The following TEDC1 variants were observed in gnomAD, a reference collection of about 807,000 sequenced individuals.
TEDC1 encodes the protein tubulin epsilon and delta complex 1.
In TEDC1, 54 loss-of-function variants were observed where a neutral mutation model predicts 59.9. That is an observed-to-expected ratio of 0.90 (90% CI 0.72 to 1.13). The LOEUF (loss-of-function observed/expected upper bound fraction) is 1.13. Among genes scored for constraint, TEDC1 ranks in the 50% most tolerant of loss-of-function variants. TEDC1 has a pLI of 0.00. For missense variants in TEDC1, 734 were observed against 683.4 expected, an observed-to-expected ratio of 1.07 and a Z score of -0.83; for synonymous variants, 353 against 298.1, an observed-to-expected ratio of 1.18 and a Z score of -1.90.
At chr14:105,491,076 G>C, upstream of TEDC1, 1 of 1,551,416 alleles carries the variant, frequency 6.4e-7, no homozygotes, top group Non-Finnish European at 8.7e-7. Flanking sequence ...ACGAAGGCGG[G>C]ACCCTGCCGA....
At chr14:105,494,015 T>TGGGGGGGTGGGGCGG in intron 5 of TEDC1, 82 bp downstream of exon 5, 4 of 158,598 alleles carry the variant, frequency 2.5e-5, no homozygotes, top group Non-Finnish European at 2.5e-5. Context: ...GGGAGGGGCC[T>TGGGGGGGTGGGGCGG]GGGGGCGGGG....
At chr14:105,493,772 G>C (rs755691042) in intron 4 of TEDC1, 63 bp from the exon 5 acceptor site, 323 of 1,199,978 alleles carry the variant, frequency 2.7e-4, no homozygotes, top group Non-Finnish European at 3.5e-4. Flanking sequence ...GACTCATGGA[G>C]ACTCAGCGTT....
rs2084207208 is a variant in TEDC1, at chr14:105,491,504, G to A, written c.129G>A (p.Lys43=). 3.3e-6 allele frequency: 5 copies of A among 1,498,924 alleles called. No homozygotes were observed. The highest frequency in any genetic ancestry group is 1.4e-5 in the African/African-American group (1 of 71,354). 92.9% of individuals were successfully genotyped at this position (1,498,924 alleles called of 1,614,324 possible). The change falls in exon 1 of 9, where the codon AAG becomes AAA. Residue 43 remains lysine, a synonymous_variant. Coordinates refer to ENST00000392523, the MANE Select transcript of TEDC1 (RefSeq NM_001367178.1). ...GPSPEIFRRA[K]FDRPEATSAL... is the part of the protein sequence containing the mutation. ...GCCCCGAGATCTTCCGCCGCGCCAA[G>A]TTCGACCGTCCGGAGGCGGTGACGC... is the stretch of plus-strand genomic sequence containing the variant.
Position 105,492,746 on chromosome 14 carries a change from A to C in TEDC1, c.585+12A>C. 6.5e-7 allele frequency: 1 copy of C among 1,539,560 alleles called. No individual in the cohort carries two copies. Among genetic ancestry groups the C allele is most frequent in the Non-Finnish European group, 8.7e-7 (1 of 1,146,492 alleles). ...CCCTCCTGAGCAAGGTAGAGCTGGC[A>C]CAGGGCTTCCACTCAGGGGCTGTGT... On this transcript the variant is annotated intron_variant, in intron 4 of 8. Transcript: ENST00000392523.
chr14:105,493,785 G>A, intron 4 of TEDC1, 50 bp from the exon 5 acceptor site: 8 of 1,343,336 alleles, frequency 6.0e-6, no homozygotes, highest in Non-Finnish European at 8.4e-6. Flanking sequence ...TCAGCGTTGG[G>A]GGAGGTGCTT....
chr14:105,491,718 C>T lies in TEDC1; in HGVS notation c.226+18C>T. 6.5e-7 allele frequency: 1 copy of T among 1,543,430 alleles called. No homozygotes were observed. On this transcript the variant is annotated intron_variant, in intron 2 of 8. Transcript: ENST00000392523. The stretch of plus-strand genomic sequence containing the variant: ...CGCCCTGGGTAAGCCCCGCTCCTGG[C>T]CCCGCCCACCCGGTAGCACTGGCCC...
chr14:105,491,648 C>G lies in TEDC1; in HGVS notation c.174C>G (p.Phe58Leu). ...CCTCCGCGCTCTGGCAGCTCCTCTT[C>G]CGTGTGCTCTCGCCACTCCCTGCGG... is the stretch of plus-strand genomic sequence containing the variant. ...EATSALWQLL[F>L]RVLSPLPAGN... is the part of the protein sequence containing the mutation. Residue 58 changes from phenylalanine to leucine, a missense_variant, in exon 2 of 9, where the codon TTC (phenylalanine) becomes TTG (leucine). Physicochemically the swap from Phe to Leu is conservative, Grantham distance 22. Coordinates refer to ENST00000392523, the MANE Select transcript of TEDC1 (RefSeq NM_001367178.1). The G allele has an allele frequency of 6.5e-7, 1 of 1,549,760 alleles. No individual in the cohort carries two copies. The highest frequency in any genetic ancestry group is 8.7e-7 in the Non-Finnish European group (1 of 1,146,846).
intron 7 of TEDC1, 91 bp from the exon 8 acceptor site, chr14:105,497,707 G>A: frequency 7.0e-7 from 1 of 1,419,942 alleles, no homozygotes. Flanking sequence ...CCAGCCCGCT[G>A]TGGGACCTGG....
intron 7 of TEDC1, 25 bp from the exon 8 acceptor site, chr14:105,497,773 C>T (rs376518406): frequency 6.4e-5 from 97 of 1,512,640 alleles, no homozygotes; most frequent in Middle Eastern, 1.7e-4. Flanking sequence ...GCTTGGTGCA[C>T]GCTGTCTCAC....
chr14:105,494,268 G>T (rs1335272420), intron 5 of TEDC1: 25 of 374,412 alleles, frequency 6.7e-5, no homozygotes, highest in Non-Finnish European at 1.1e-4. Flanking sequence ...AGCTGGTGGT[G>T]TTGGCATCTC....
intron 8 of TEDC1, 102 bp downstream of exon 8, chr14:105,498,079 C>T (rs373053002): frequency 2.2e-6 from 3 of 1,342,718 alleles, no homozygotes; most frequent in Middle Eastern, 2.7e-4. Context: ...TTGCATTTGT[C>T]AAGCATGGCA....
chr14:105,497,124 G>A (rs1555440566), intron 6 of TEDC1: 2 of 596,780 alleles, frequency 3.4e-6, no homozygotes. Context: ...GCACTGGTTG[G>A]GGGCTGCCCT....
chr14:105,492,800 C>T lies in TEDC1; in HGVS notation c.585+66C>T, dbSNP rs587607155. 44 of 1,507,562 alleles carry T rather than the reference C, an allele frequency of 2.9e-5. No individual in the cohort carries two copies. In the South Asian group the frequency reaches 3.7e-4, roughly 13 times the overall value. 93.4% of individuals were successfully genotyped at this position (1,507,562 alleles called of 1,614,324 possible). ...GTGCTGCAGGCCGCCAGCTGCCAGT[C>T]CCTGCAGCCCGTCCCGTGAGGCCTG... is the stretch of plus-strand genomic sequence containing the variant. On this transcript the variant is annotated intron_variant, in intron 4 of 8. Coordinates refer to ENST00000392523, the MANE Select transcript of TEDC1 (RefSeq NM_001367178.1).
At chr14:105,496,141 G>GTTGT in intron 6 of TEDC1, 55 bp downstream of exon 6, 1 of 347,904 alleles carries the variant, frequency 2.9e-6, no homozygotes, top group Non-Finnish European at 5.6e-6. Context: ...GGGGTGGGTG[G>GTTGT]GAGGGGGTGG....
intron 5 of TEDC1, 51 bp from the exon 6 acceptor site, chr14:105,495,827 CTG>C: frequency 7.1e-7 from 1 of 1,400,336 alleles, no homozygotes; most frequent in Non-Finnish European, 9.7e-7. Context: ...CTCCCCGAAG[CTG>C]TGTGCGGCAC....
At chr14:105,490,855 C>A, upstream of TEDC1, 2 of 695,336 alleles carry the variant, frequency 2.9e-6, no homozygotes, top group Non-Finnish European at 5.0e-6. Context: ...CGCTCCCGCC[C>A]GGCGGTTGCT....
At chr14:105,497,637 G>A in intron 7 of TEDC1, 161 bp from the exon 8 acceptor site, 1 of 1,135,392 alleles carries the variant, frequency 8.8e-7, no homozygotes, top group Non-Finnish European at 1.2e-6. Flanking sequence ...CAGCTCCATG[G>A]CCTTCTAGAG....
rs2084212597 is a variant in TEDC1 at position 105,491,680 on chromosome 14, C to A, written c.206C>A (p.Ala69Asp). The change falls in exon 2 of 9, where the codon GCC becomes GAC. Residue 69 changes from alanine to aspartate, a missense_variant. Ala to Asp is a moderately radical substitution (Grantham distance 126). Coordinates refer to ENST00000392523, the MANE Select transcript of TEDC1 (RefSeq NM_001367178.1). ...CTCTCGCCACTCCCTGCGGGCAACG[C>A]CTTGGCATCGCTCGCCCTGGGTAAG... ...RVLSPLPAGN[A>D]LASLALEVQA... 2.6e-6 allele frequency: 4 copies of A among 1,549,418 alleles called. No individual in the cohort carries two copies. Among genetic ancestry groups the A allele is most frequent in the Non-Finnish European group, 3.5e-6 (4 of 1,146,878 alleles).
At chr14:105,495,786 C>G in intron 5 of TEDC1, 94 bp from the exon 6 acceptor site, 1 of 1,052,166 alleles carries the variant, frequency 9.5e-7, no homozygotes, top group African/African-American at 1.6e-5. Context: ...CTGTGGTGGG[C>G]TGGGGGGGCC....
Sources: gnomAD v4.1 joint callset for allele counts on GRCh38, gnomAD v4.1.1 for gene constraint, MANE v1.5 for transcripts, NCBI Gene and HGNC (gene_info 2026-07-23, HGNC 2026-07-21) for gene names.